The following SOX6 variants were observed in gnomAD, a reference collection of about 807,000 sequenced individuals.
SOX6 encodes transcription factor SOX-6.
SOX6 carries 11 observed loss-of-function variants against 97.8 expected under a neutral mutation model. The ratio of observed to expected loss-of-function variants is 0.11; its 90% confidence interval spans 0.07 to 0.19. The LOEUF (loss-of-function observed/expected upper bound fraction) is 0.19, where lower values mean the gene tolerates loss of function less well. SOX6 is among the 10% of genes least tolerant of loss of function. SOX6 has a pLI of 1.00. For missense variants in SOX6, 810 were observed against 1,039.5 expected, an observed-to-expected ratio of 0.78 and a Z score of 3.04; for synonymous variants, 360 against 371.4, an observed-to-expected ratio of 0.97 and a Z score of 0.35.
At chr11:16,574,380 C>T (rs550089768) in intron 4 of SOX6, among the ~76,000 whole-genome samples, 2 of 152,086 alleles carry the variant, frequency 1.3e-5, no homozygotes, top group African/African-American at 2.4e-5. Context: ...CCCTGTAGAG[C>T]AGTCAAGAAA....
chr11:16,283,557 A>C (rs1590090382), intron 3 of SOX6, among the ~76,000 whole-genome samples: 1 of 151,936 alleles, frequency 6.6e-6, no homozygotes, highest in East Asian at 1.9e-4. Context: ...ACATAAACAC[A>C]CAACACTAAC....
intron 4 of SOX6, among the ~76,000 whole-genome samples, chr11:16,204,426 G>A (rs1456602314): frequency 6.6e-6 from 1 of 152,086 alleles, no homozygotes; most frequent in African/African-American, 2.4e-5. Flanking sequence ...ATGTGGGGGT[G>A]TGGTGTGTGT....
intron 1 of SOX6, among the ~76,000 whole-genome samples, chr11:16,346,980 G>A (rs555798911): frequency 3.2e-4 from 48 of 152,060 alleles, no homozygotes; most frequent in Non-Finnish European, 6.2e-4. Context: ...CAAAGTTTGT[G>A]TTTCTAGAGT....
At chr11:16,331,033 G>A (rs1856275077) in intron 2 of SOX6, among the ~76,000 whole-genome samples, 1 of 152,180 alleles carries the variant, frequency 6.6e-6, no homozygotes, top group African/African-American at 2.4e-5. Flanking sequence ...AATTCTTACA[G>A]AGCACATTTC....
intron 1 of SOX6, among the ~76,000 whole-genome samples, chr11:16,370,822 A>G (rs546488759): frequency 5.3e-5 from 8 of 152,190 alleles, no homozygotes; most frequent in African/African-American, 1.7e-4. Context: ...TGAGTTCTTC[A>G]TTCAACATAT....
At chr11:16,273,159 AG>A (rs1168055889) in intron 3 of SOX6, among the ~76,000 whole-genome samples, 12 of 151,936 alleles carry the variant, frequency 7.9e-5, no homozygotes, top group African/African-American at 2.7e-4. Context: ...GCTACCAAAC[AG>A]GAAAAGCAAA....
intron 3 of SOX6, among the ~76,000 whole-genome samples, chr11:16,671,935 G>T (rs1388794453): frequency 6.6e-6 from 1 of 152,170 alleles, no homozygotes; most frequent in African/African-American, 2.4e-5. Context: ...ACACCCTCAA[G>T]ATAACACCAG....
intron 3 of SOX6, among the ~76,000 whole-genome samples, chr11:16,693,331 T>G (rs949610023): frequency 6.6e-6 from 1 of 152,158 alleles, no homozygotes; most frequent in South Asian, 2.1e-4. Context: ...GGTGGTGATT[T>G]GATTTACCTT....
intron 4 of SOX6, among the ~76,000 whole-genome samples, chr11:16,537,379 G>A (rs933139799): frequency 2.0e-5 from 3 of 152,154 alleles, no homozygotes; most frequent in African/African-American, 7.2e-5. Flanking sequence ...AATCAGAGCA[G>A]AAAAGCTGAA....
chr11:16,706,246 C>A (rs985956229), intron 3 of SOX6, among the ~76,000 whole-genome samples: 1 of 149,658 alleles, frequency 6.7e-6, no homozygotes, highest in Admixed American at 6.7e-5. Context: ...TTGAGACCAG[C>A]CTGGACAACA....
chr11:16,618,707 A>G (rs1336474555), intron 3 of SOX6, among the ~76,000 whole-genome samples: 6 of 151,952 alleles, frequency 3.9e-5, no homozygotes, highest in African/African-American at 1.4e-4. Context: ...TGCCGGGTGT[A>G]TATTTAAAAA....
chr11:16,293,992 G>C (rs1590100638), intron 3 of SOX6, among the ~76,000 whole-genome samples: 1 of 151,260 alleles, frequency 6.6e-6, no homozygotes, highest in East Asian at 1.9e-4. Context: ...CTAATTACTG[G>C]CTTATATATG....
At chr11:16,446,502 A>G (rs1291367581) in intron 1 of SOX6, among the ~76,000 whole-genome samples, 1 of 152,000 alleles carries the variant, frequency 6.6e-6, no homozygotes, top group Non-Finnish European at 1.5e-5. Context: ...AGCTTCATGG[A>G]TCTGATAGCC....
At chr11:16,381,109 A>C (rs148300318) in intron 1 of SOX6, among the ~76,000 whole-genome samples, 305 of 152,204 alleles carry the variant, frequency 2.0e-3, no homozygotes, top group African/African-American at 6.9e-3. Context: ...AATACCTCCA[A>C]AATTAGTACT....
intron 4 of SOX6, among the ~76,000 whole-genome samples, chr11:16,217,992 G>A (rs919979103): frequency 6.6e-5 from 10 of 151,812 alleles, no homozygotes; most frequent in Admixed American, 5.9e-4. Flanking sequence ...GGGGGTTAGC[G>A]GGTGTTGATT....
At chr11:16,029,712 G>A in intron 12 of SOX6, among the ~76,000 whole-genome samples, 1 of 151,648 alleles carries the variant, frequency 6.6e-6, no homozygotes, top group Non-Finnish European at 1.5e-5. Context: ...CAGGGAAAAA[G>A]GCAGTTGTTC....
chr11:16,119,399 T>C (rs1849435206), intron 6 of SOX6, among the ~76,000 whole-genome samples: 1 of 152,192 alleles, frequency 6.6e-6, no homozygotes, highest in Admixed American at 6.5e-5. Context: ...CGCCCTTCCT[T>C]AGAAAGTGTA....
intron 9 of SOX6, 65 bp downstream of exon 9, chr11:16,095,931 A>G (rs75735479): frequency 2.7e-6 from 4 of 1,505,284 alleles, no homozygotes; most frequent in Middle Eastern, 1.8e-4. Context: ...AAAAAAAAAA[A>G]GCCTAGAGTA....
chr11:16,355,960 T>G (rs901941863), intron 1 of SOX6, among the ~76,000 whole-genome samples, 134 bp downstream of exon 1: 1 of 152,092 alleles, frequency 6.6e-6, no homozygotes, highest in Non-Finnish European at 1.5e-5. Context: ...GTTATTACCT[T>G]ATTACCATAA....
Sources: gnomAD v4.1 joint callset for allele counts (sites outside exome capture counted in the v4.1 genomes callset) on GRCh38, gnomAD v4.1.1 for gene constraint, MANE v1.5 for transcripts, NCBI Gene and HGNC (gene_info 2026-07-23, HGNC 2026-07-21) for gene names.